The following CYTH3 variants were observed in gnomAD, a reference collection of about 807,000 sequenced individuals.
The protein encoded by CYTH3 is cytohesin-3.
Under a neutral mutation model 55.1 loss-of-function variants are expected in CYTH3, and 23 were observed. The ratio of observed to expected loss-of-function variants is 0.42; its 90% CI spans 0.30 to 0.59. The LOEUF (loss-of-function observed/expected upper bound fraction) is 0.59, where lower values mean the gene tolerates loss of function less well. Ranked by LOEUF, CYTH3 falls within the 20% of genes least tolerant of loss-of-function variation. CYTH3 has a pLI of 0.20. For missense variants in CYTH3, 413 were observed against 524.8 expected (o/e 0.79, Z 2.08); for synonymous variants, 249 against 194.9 (o/e 1.28, Z -2.31).
chr7:6,255,114 T>C (rs1037612015), intron 1 of CYTH3, among the ~76,000 whole-genome samples: 3 of 152,208 alleles, frequency 2.0e-5, no homozygotes, highest in Admixed American at 1.3e-4. Flanking sequence ...AAATTCTTCA[T>C]ATAAATAATT....
intron 1 of CYTH3, among the ~76,000 whole-genome samples, chr7:6,197,410 C>T (rs1783960665): frequency 6.6e-6 from 1 of 152,186 alleles, no homozygotes. Context: ...AGGCTGAGCA[C>T]AGTGGCTCAC....
intron 1 of CYTH3, among the ~76,000 whole-genome samples, chr7:6,198,049 G>A (rs1031579498): frequency 1.4e-5 from 2 of 146,580 alleles, no homozygotes; most frequent in East Asian, 4.4e-4. Context: ...AGCTATGACT[G>A]TGCTACTGCA....
intron 1 of CYTH3, among the ~76,000 whole-genome samples, chr7:6,230,331 T>A (rs539561314): frequency 6.6e-6 from 1 of 152,226 alleles, no homozygotes; most frequent in South Asian, 2.1e-4. Flanking sequence ...TATATCTCCA[T>A]AAAGCAGAGT....
intron 1 of CYTH3, among the ~76,000 whole-genome samples, chr7:6,221,200 A>G (rs1240122674): frequency 1.3e-5 from 2 of 152,200 alleles, no homozygotes; most frequent in Non-Finnish European, 2.9e-5. Context: ...ATATATATCC[A>G]TACCATGGAA....
intron 1 of CYTH3, among the ~76,000 whole-genome samples, chr7:6,258,326 A>G (rs1780186200): frequency 6.6e-6 from 1 of 150,528 alleles, no homozygotes; most frequent in South Asian, 2.1e-4. Flanking sequence ...AAAAAAAAAG[A>G]AAAGAAAAGA....
At chr7:6,173,270 C>T (rs183072908) in intron 6 of CYTH3, among the ~76,000 whole-genome samples, 87 of 152,288 alleles carry the variant, frequency 5.7e-4, no homozygotes, top group Non-Finnish European at 1.1e-3. Flanking sequence ...CTGGCACACT[C>T]AGGTATCCAT....
chr7:6,236,556 ATTG>A (rs1202328445), intron 1 of CYTH3, among the ~76,000 whole-genome samples: 3 of 143,362 alleles, frequency 2.1e-5, no homozygotes, highest in African/African-American at 7.8e-5. Flanking sequence ...CCTCTTTTTT[ATTG>A]TTGTTGTTTT....
At chr7:6,202,460 T>G (rs909603450) in intron 1 of CYTH3, among the ~76,000 whole-genome samples, 2 of 144,790 alleles carry the variant, frequency 1.4e-5, no homozygotes, top group Non-Finnish European at 1.6e-5. Context: ...ATTGCTAGTT[T>G]TTTTTTTTTT....
intron 1 of CYTH3, among the ~76,000 whole-genome samples, chr7:6,249,990 C>T (rs779067945): frequency 3.3e-5 from 5 of 152,190 alleles, no homozygotes; most frequent in East Asian, 1.9e-4. Flanking sequence ...CAAGACTGTA[C>T]GCTTTGACCA....
chr7:6,272,399 G>T, intron 1 of CYTH3, 75 bp downstream of exon 1: 1 of 1,234,856 alleles, frequency 8.1e-7, no homozygotes, highest in Non-Finnish European at 1.0e-6. Context: ...CCGGCCCAGC[G>T]CCGCGCCCTC....
At chr7:6,229,647 T>TGA (rs1779337257) in intron 1 of CYTH3, among the ~76,000 whole-genome samples, 1 of 117,068 alleles carries the variant, frequency 8.5e-6, no homozygotes, top group South Asian at 2.9e-4. Flanking sequence ...CCGTCTCTAC[T>TGA]GAAAAAAAAA....
intron 1 of CYTH3, among the ~76,000 whole-genome samples, chr7:6,266,583 C>A (rs1278264789): frequency 6.6e-6 from 1 of 152,186 alleles, no homozygotes; most frequent in African/African-American, 2.4e-5. Context: ...TCAAGCCACA[C>A]AAAGCTGCTT....
rs73675890 is a variant in CYTH3, at chr7:6,190,433, T to G, written c.117+16A>C. On this transcript the variant is annotated intron_variant, in intron 2 of 12. Transcript: ENST00000350796. ...AACAGAGTTTTGGATTTTTGGTTTT[T>G]TTTTTTTTTTTTTACCTCAATGTCA... The G allele has an allele frequency of 2.5e-3, 3,664 of 1,461,808 alleles. 38 individuals carry two copies. In the African/African-American group the frequency reaches 0.043, roughly 17 times the overall value. The allele number at this position is 1,461,808 out of a possible 1,614,324, so 90.6% of individuals were successfully genotyped here.
At chr7:6,225,559 T>C (rs1316424453) in intron 1 of CYTH3, among the ~76,000 whole-genome samples, 1 of 152,128 alleles carries the variant, frequency 6.6e-6, no homozygotes, top group African/African-American at 2.4e-5. Flanking sequence ...TTTCTCCATG[T>C]TGGTCAGGCT....
intron 1 of CYTH3, among the ~76,000 whole-genome samples, chr7:6,259,765 ATATATATTATATAT>A (rs1451686601): frequency 8.0e-5 from 2 of 24,966 alleles, no homozygotes; most frequent in Non-Finnish European, 1.1e-4. Context: ...TATTATATAT[ATATATATTATATAT>A]ATATAATATA....
intron 1 of CYTH3, among the ~76,000 whole-genome samples, chr7:6,201,920 G>C (rs572559746): frequency 3.3e-5 from 5 of 152,216 alleles, no homozygotes; most frequent in African/African-American, 1.2e-4. Flanking sequence ...GAAAGAGAAA[G>C]AGAAACACAG....
Position 6,163,295 on chromosome 7 carries a change from G to A in CYTH3, c.*1649C>T, listed in dbSNP as rs373340636. 3.3e-4 allele frequency: 50 copies of A among 152,410 alleles called. No individual in the cohort carries two copies. The highest frequency in any genetic ancestry group is 1.2e-3 in the African/African-American group (49 of 41,590). The allele number at this position is 152,410 out of a possible 1,614,324, so 9.4% of individuals were successfully genotyped here. A position where few individuals can be genotyped will look rare whatever the true frequency, so the allele number is the denominator to read the frequency against. On this transcript the variant is annotated 3_prime_UTR_variant, in exon 13 of 13. Coordinates refer to ENST00000350796, the MANE Select transcript of CYTH3 (RefSeq NM_004227.4). ...GGAAACCTAGGTGCACAAAGTCTGA[G>A]GTTTTGTCTCTGGACTGGGCATTTT...
At chr7:6,258,195 C>T (rs1562416330) in intron 1 of CYTH3, among the ~76,000 whole-genome samples, 2 of 151,576 alleles carry the variant, frequency 1.3e-5, no homozygotes, top group Non-Finnish European at 1.5e-5. Flanking sequence ...GTGGTGAGGG[C>T]CTAGCTACTT....
rs962880160 is a variant in CYTH3 at position 6,207,389 on chromosome 7, C to G, written c.35-16858G>C. On this transcript the variant is annotated intron_variant, in intron 1 of 12. Coordinates refer to ENST00000350796, the MANE Select transcript of CYTH3 (RefSeq NM_004227.4). ...GACTACAGGCGTGAGCTGCCACGCC[C>G]GACCTAAAATGTGCATCTTAGAATC... is the stretch of plus-strand genomic sequence containing the variant. Among the ~76,000 whole-genome samples, 21 of 152,154 alleles carry G rather than the reference C, an allele frequency of 1.4e-4. No individual in the cohort carries two copies. The East Asian group carries it at 3.7e-3, about 27-fold the overall frequency.
Sources: allele counts gnomAD v4.1 joint callset (sites outside exome capture counted in the v4.1 genomes callset), GRCh38; gene constraint gnomAD v4.1.1; transcripts MANE v1.5; gene names NCBI Gene and HGNC (gene_info 2026-07-23, HGNC 2026-07-21).